The following DNER variants were observed in gnomAD, a reference collection of about 807,000 sequenced individuals.
The protein encoded by DNER is delta/notch like EGF repeat containing, also known as delta and Notch-like epidermal growth factor-related receptor.
Under a neutral mutation model 78.2 loss-of-function variants are expected in DNER, and 33 were observed. The ratio of observed to expected loss-of-function variants is 0.42; its 90% CI spans 0.32 to 0.56. The LOEUF is 0.56. Among genes scored for constraint, DNER ranks in the 20% least tolerant of loss-of-function variants. The pLI is 0.11. For synonymous variants in DNER, 417 were observed against 384.8 expected, an observed-to-expected ratio of 1.08 and a Z score of -0.98; for missense variants, 918 against 975.3, an observed-to-expected ratio of 0.94 and a Z score of 0.78.
chr2:229,376,094 C>T (rs888738356), intron 11 of DNER, among the ~76,000 whole-genome samples: 13 of 152,160 alleles, frequency 8.5e-5, no homozygotes, highest in African/African-American at 3.1e-4. Context: ...TGAGACCTTC[C>T]CAGCCATGCT....
intron 7 of DNER, among the ~76,000 whole-genome samples, chr2:229,454,788 G>T (rs1045466206): frequency 1.3e-5 from 2 of 151,872 alleles, no homozygotes; most frequent in Non-Finnish European, 2.9e-5. Flanking sequence ...GATGAGAATG[G>T]AACTAATACT....
chr2:229,387,106 G>T (rs1367746769), intron 11 of DNER, among the ~76,000 whole-genome samples: 1 of 152,114 alleles, frequency 6.6e-6, no homozygotes, highest in Non-Finnish European at 1.5e-5. Flanking sequence ...ACTGGATAAA[G>T]AAAATGTGGC....
chr2:229,539,523 T>C (rs151097082), intron 5 of DNER, among the ~76,000 whole-genome samples: 98 of 152,370 alleles, frequency 6.4e-4, no homozygotes, highest in African/African-American at 2.2e-3. Context: ...TCTCACTATT[T>C]TGTAAAACTA....
intron 1 of DNER, among the ~76,000 whole-genome samples, chr2:229,637,551 C>T (rs1020460676): frequency 2.0e-5 from 3 of 152,206 alleles, no homozygotes; most frequent in Admixed American, 2.0e-4. Flanking sequence ...TTATCATCCA[C>T]ACTCTTGAAA....
intron 3 of DNER, 142 bp downstream of exon 3, chr2:229,588,252 G>A (rs1362365508): frequency 2.9e-6 from 2 of 688,510 alleles, no homozygotes; most frequent in African/African-American, 3.6e-5. Context: ...GTTTTCAAAT[G>A]GCAGGGGCCA....
chr2:229,584,433 T>C (rs544091901), intron 4 of DNER, among the ~76,000 whole-genome samples: 26 of 152,274 alleles, frequency 1.7e-4, no homozygotes, highest in Non-Finnish European at 3.2e-4. Flanking sequence ...TGGAACATTA[T>C]GTCAGCACAC....
intron 1 of DNER, among the ~76,000 whole-genome samples, chr2:229,645,016 G>GA (rs5839346): frequency 0.031 from 4,551 of 147,548 alleles, 228 homozygotes; most frequent in African/African-American, 0.11. Context: ...GCCTTTAGTA[G>GA]AAAAAAAAAA....
At chr2:229,435,205 GA>G (rs1362139630) in intron 8 of DNER, among the ~76,000 whole-genome samples, 3 of 152,144 alleles carry the variant, frequency 2.0e-5, no homozygotes, top group African/African-American at 7.2e-5. Context: ...ATCGTGGGAA[GA>G]AGCCCCGACT....
chr2:229,516,800 A>AAAAGAAAAG (rs1553536933), intron 5 of DNER, among the ~76,000 whole-genome samples: 3 of 131,242 alleles, frequency 2.3e-5, no homozygotes, highest in South Asian at 5.0e-4. Context: ...AAAAAAAAAA[A>AAAAGAAAAG]AAAAGAAAAG....
intron 5 of DNER, among the ~76,000 whole-genome samples, chr2:229,515,462 C>T (rs1167877599): frequency 6.6e-6 from 1 of 152,160 alleles, no homozygotes; most frequent in African/African-American, 2.4e-5. Context: ...GTCTTGGCAG[C>T]TGTCTTCTAA....
intron 6 of DNER, among the ~76,000 whole-genome samples, chr2:229,500,081 T>C (rs1445845211): frequency 1.3e-5 from 2 of 152,054 alleles, no homozygotes; most frequent in African/African-American, 4.8e-5. Context: ...CTACAGGCAC[T>C]TGCCACCACG....
intron 5 of DNER, among the ~76,000 whole-genome samples, chr2:229,538,062 T>TA (rs1190516497): frequency 5.9e-5 from 9 of 151,926 alleles, no homozygotes; most frequent in African/African-American, 1.2e-4. Context: ...CTTTACTCGT[T>TA]AAAAAAAAGC....
chr2:229,610,414 G>C (rs763808991), intron 1 of DNER, among the ~76,000 whole-genome samples: 6 of 152,188 alleles, frequency 3.9e-5, no homozygotes, highest in Admixed American at 1.3e-4. Context: ...ACTGAGACCC[G>C]CATTCAGATG....
chr2:229,714,323 GC>G lies in DNER; in HGVS notation c.100del (p.Ala34ProfsTer140). The G allele has an allele frequency of 7.8e-7, 1 of 1,280,330 alleles. No individual in the cohort carries two copies. Among genetic ancestry groups the G allele is most frequent in the South Asian group, 2.7e-5 (1 of 37,664 alleles). 79.3% of individuals were successfully genotyped at this position (1,280,330 alleles called of 1,614,324 possible). A position where few individuals can be genotyped will look rare whatever the true frequency, so the allele number is the denominator to read the frequency against. On this transcript the variant is annotated frameshift_variant, in exon 1 of 13. Coordinates refer to ENST00000341772, the MANE Select transcript of DNER (RefSeq NM_139072.4). LOFTEE classifies it high-confidence loss of function. ...LGAGPRGSSLANPVPAAPLSA... is the reference protein window; with the variant it reads ...LGAGPRGSSLXNPVPAAPLSA... ...CAGGGGCGCGGCGGGCACCGGGTTG[GC>G]CAGGGAGCTGCCTCGGGGCCCCGCT... is the stretch of plus-strand genomic sequence containing the variant.
chr2:229,623,432 C>T (rs1415530243), intron 1 of DNER, among the ~76,000 whole-genome samples: 1 of 152,112 alleles, frequency 6.6e-6, no homozygotes, highest in African/African-American at 2.4e-5. Flanking sequence ...CCAAGTCTAC[C>T]ATTGGTAAAG....
At chr2:229,444,890 T>C (rs1274759306) in intron 8 of DNER, among the ~76,000 whole-genome samples, 1 of 152,112 alleles carries the variant, frequency 6.6e-6, no homozygotes, top group South Asian at 2.1e-4. Flanking sequence ...AAAAGTTTGA[T>C]ATAATTAAGA....
intron 1 of DNER, among the ~76,000 whole-genome samples, chr2:229,622,035 GA>G (rs1698259354): frequency 6.6e-6 from 1 of 152,164 alleles, no homozygotes; most frequent in Non-Finnish European, 1.5e-5. Context: ...GCAGTGAGCC[GA>G]GATCGCGCCG....
At chr2:229,680,583 G>A (rs1170252732) in intron 1 of DNER, among the ~76,000 whole-genome samples, 1 of 152,228 alleles carries the variant, frequency 6.6e-6, no homozygotes, top group African/African-American at 2.4e-5. Context: ...ATGTCCAATG[G>A]CAGGCTAGAG....
At chr2:229,450,824 A>G (rs577048800) in intron 7 of DNER, among the ~76,000 whole-genome samples, 132 of 152,356 alleles carry the variant, frequency 8.7e-4, no homozygotes, top group African/African-American at 3.0e-3. Context: ...AAGTAGATGA[A>G]CTGCTTATCA....
Sources: allele counts gnomAD v4.1 joint callset (sites outside exome capture counted in the v4.1 genomes callset), GRCh38; gene constraint gnomAD v4.1.1; transcripts MANE v1.5; gene names NCBI Gene and HGNC (gene_info 2026-07-23, HGNC 2026-07-21).